The following IFT88 variants were observed in gnomAD, a reference collection of about 807,000 sequenced individuals.
IFT88 encodes intraflagellar transport protein 88 homolog.
In IFT88, 74 loss-of-function variants were observed where a neutral mutation model predicts 119.5. The ratio of observed to expected loss-of-function variants is 0.62; its 90% CI spans 0.51 to 0.75. IFT88 has a LOEUF of 0.75. IFT88 is among the 30% of genes least tolerant of loss of function. IFT88 has a pLI of 0.00. For synonymous variants in IFT88, 279 were observed against 316.7 expected (o/e 0.88, Z 1.26); for missense variants, 961 against 977.7 (o/e 0.98, Z 0.23).
At chr13:20,632,772 G>A (rs2442449) in intron 16 of IFT88, among the ~76,000 whole-genome samples, 139,992 of 152,252 alleles carry the variant, frequency 0.92, 64,453 homozygotes, top group East Asian at 1. Flanking sequence ...TCAGCTTTGT[G>A]TTGTGCACAG....
intron 12 of IFT88, among the ~76,000 whole-genome samples, chr13:20,602,206 CTTTTTTTT>C (rs11458148): frequency 8.5e-6 from 1 of 118,186 alleles, no homozygotes; most frequent in Non-Finnish European, 1.7e-5. Context: ...AGCATAATAT[CTTTTTTTT>C]TTTTTTTTTT....
chr13:20,670,523 CTTTTTTTT>C lies in IFT88; in HGVS notation c.2176-434_2176-427del, dbSNP rs56143632. On this transcript the variant is annotated intron_variant, in intron 23 of 25. Coordinates refer to ENST00000351808, the MANE Select transcript of IFT88 (RefSeq NM_006531.5). The stretch of plus-strand genomic sequence containing the variant: ...AATTGAATTTCAAAACTCAGCTTAC[CTTTTTTTT>C]TTTTTTTTTTTTTTTACCCTCAAAT... 2.9e-3 allele frequency among the ~76,000 whole-genome samples: 275 copies of C among 94,986 alleles called. 1 individual carries two copies. The highest frequency in any genetic ancestry group is 4.1e-3 in the Non-Finnish European group (197 of 48,358). 62.3% of individuals were successfully genotyped at this position (94,986 alleles called of 152,430 possible).
intron 18 of IFT88, 198 bp downstream of exon 18, chr13:20,641,596 G>A (rs1183498495): frequency 9.4e-6 from 4 of 425,112 alleles, no homozygotes; most frequent in African/African-American, 2.0e-5. Context: ...TGCATCGAAA[G>A]AGGAATTAAT....
intron 7 of IFT88, among the ~76,000 whole-genome samples, chr13:20,595,554 T>A (rs1171654298): frequency 6.6e-6 from 1 of 151,678 alleles, no homozygotes; most frequent in Non-Finnish European, 1.5e-5. Flanking sequence ...CCTCCCAAAG[T>A]GCTGGGATTA....
chr13:20,612,474 A>G (rs923988224), intron 13 of IFT88: 9 of 152,212 alleles, frequency 5.9e-5, no homozygotes, highest in African/African-American at 2.2e-4. Flanking sequence ...TGAAAACCAT[A>G]AAACATGGGA....
intron 1 of IFT88, among the ~76,000 whole-genome samples, chr13:20,572,776 A>G (rs1330906105): frequency 6.6e-6 from 1 of 151,838 alleles, no homozygotes; most frequent in African/African-American, 2.4e-5. Context: ...TTTCCATTCA[A>G]TCCCTAACCC....
At chr13:20,575,696 C>T (rs1334018127) in intron 2 of IFT88, among the ~76,000 whole-genome samples, 1 of 152,200 alleles carries the variant, frequency 6.6e-6, no homozygotes, top group Non-Finnish European at 1.5e-5. Flanking sequence ...CTTGTACAGC[C>T]TGCAGAACGA....
At chr13:20,645,114 A>G (rs1264638066) in intron 20 of IFT88, among the ~76,000 whole-genome samples, 156 bp downstream of exon 20, 2 of 152,164 alleles carry the variant, frequency 1.3e-5, no homozygotes, top group Non-Finnish European at 2.9e-5. Context: ...TTTGAGACGG[A>G]GTTTCGCTCT....
At chr13:20,681,631 A>C (rs1235722535) in intron 24 of IFT88, among the ~76,000 whole-genome samples, 1 of 152,264 alleles carries the variant, frequency 6.6e-6, no homozygotes, top group Non-Finnish European at 1.5e-5. Flanking sequence ...TATGAGCTCC[A>C]ATATGAGTAA....
intron 23 of IFT88, among the ~76,000 whole-genome samples, chr13:20,665,988 A>G (rs546288650): frequency 3.0e-4 from 45 of 152,342 alleles, no homozygotes; most frequent in African/African-American, 9.1e-4. Context: ...CCACTAAGGA[A>G]TGTTTTTAAT....
At chr13:20,643,344 C>T (rs1369757439) in intron 18 of IFT88, 111 bp from the exon 19 acceptor site, 2 of 794,902 alleles carry the variant, frequency 2.5e-6, no homozygotes, top group Admixed American at 2.7e-5. Context: ...AAACAGTATA[C>T]AATAGCACAT....
chr13:20,601,099 C>T (rs763049652), intron 11 of IFT88, among the ~76,000 whole-genome samples: 23 of 152,220 alleles, frequency 1.5e-4, no homozygotes, highest in Non-Finnish European at 8.8e-5. Flanking sequence ...GGCACGGTGC[C>T]TCATGCCTGT....
intron 24 of IFT88, among the ~76,000 whole-genome samples, chr13:20,674,333 A>G (rs1594844208): frequency 6.6e-6 from 1 of 152,344 alleles, no homozygotes; most frequent in East Asian, 1.9e-4. Context: ...TTAAAGGTTG[A>G]GAAATTGACA....
chr13:20,614,819 T>TTTTTTTC (rs1235900617), intron 13 of IFT88, among the ~76,000 whole-genome samples: 3 of 141,900 alleles, frequency 2.1e-5, no homozygotes, highest in Non-Finnish European at 3.2e-5. Flanking sequence ...TTTCTTTTCT[T>TTTTTTTC]TTTTTTTTTT....
chr13:20,651,138 G>A lies in IFT88; in HGVS notation c.1950-2738G>A, dbSNP rs144814974. Among the ~76,000 whole-genome samples, 113 of 151,998 alleles carry A rather than the reference G, an allele frequency of 7.4e-4. No homozygotes were observed. In the East Asian group the frequency reaches 0.022, roughly 29 times the overall value. On this transcript the variant is annotated intron_variant, in intron 20 of 25. Coordinates refer to ENST00000351808, the MANE Select transcript of IFT88 (RefSeq NM_006531.5). ...CTTCAACTTTTTTCTTTTTCAAATT[G>A]TTTTGGCTATTCATGGTTCCTTGAG...
At chr13:20,585,568 C>T (rs2039508036) in intron 3 of IFT88, among the ~76,000 whole-genome samples, 1 of 152,176 alleles carries the variant, frequency 6.6e-6, no homozygotes, top group Admixed American at 6.5e-5. Context: ...CCCACCAGGC[C>T]AACCTTTAGT....
At chr13:20,679,592 A>T (rs182505295) in intron 24 of IFT88, among the ~76,000 whole-genome samples, 1 of 152,326 alleles carries the variant, frequency 6.6e-6, no homozygotes, top group East Asian at 1.9e-4. Context: ...CACACAAGAA[A>T]ACAATCTATA....
chr13:20,626,043 C>CTTTCTT (rs2047249498), intron 15 of IFT88, among the ~76,000 whole-genome samples, 194 bp downstream of exon 15: 2 of 39,542 alleles, frequency 5.1e-5, no homozygotes, highest in Non-Finnish European at 4.1e-5. Context: ...TTTGTCGTTT[C>CTTTCTT]TTTTTTTTTT....
intron 3 of IFT88, among the ~76,000 whole-genome samples, chr13:20,588,109 G>A (rs959048361): frequency 1.1e-4 from 16 of 146,194 alleles, no homozygotes; most frequent in African/African-American, 3.6e-4. Context: ...GGTAGTTTAC[G>A]TTCTCTGACT....
Sources: allele counts gnomAD v4.1 joint callset (sites outside exome capture counted in the v4.1 genomes callset), GRCh38; gene constraint gnomAD v4.1.1; transcripts MANE v1.5; gene names NCBI Gene and HGNC (gene_info 2026-07-23, HGNC 2026-07-21).